The following KDM6B variants were observed in gnomAD, a reference collection of about 807,000 sequenced individuals.
KDM6B encodes the protein lysine demethylase 6B, also known as lysine-specific demethylase 6B.
KDM6B carries 22 observed loss-of-function variants against 150.4 expected under a neutral mutation model. That is an observed-to-expected ratio of 0.15 (90% CI 0.10 to 0.21). KDM6B has a LOEUF of 0.21. Ranked by LOEUF, KDM6B falls within the 10% of genes least tolerant of loss-of-function variation. KDM6B has a pLI of 1.00. For missense variants in KDM6B, 1,984 were observed against 2,234.3 expected (o/e 0.89, Z 2.26); for synonymous variants, 1,148 against 921.1 (o/e 1.25, Z -4.46).
In KDM6B at chr17:7,849,400, C is replaced by G. The variant is rs752642016; in HGVS notation, c.3112C>G (p.Leu1038Val). 1 of 1,611,496 alleles carries G rather than the reference C, an allele frequency of 6.2e-7. No homozygotes were observed. Among genetic ancestry groups the G allele is most frequent in the South Asian group, 1.1e-5 (1 of 90,840 alleles). Reference sequence around the variant, plus strand: ...GGGTCGTGAGAAGTCCCGGCCCGATCTTGGCGGGGCCTCCAAGGCCAAGCC... The same window carrying G: ...GGGTCGTGAGAAGTCCCGGCCCGATGTTGGCGGGGCCTCCAAGGCCAAGCC... ...IQGREKSRPD[L>V]GGASKAKPPT... Residue 1038 changes from leucine (L) to valine (V), a missense_variant, in exon 12 of 24, where the codon CTT (leucine) becomes GTT (valine). This residue lies in a region of KDM6B where 1,379 missense variants were observed against 1,275.6 expected (regional missense o/e 1.08). Transcript: ENST00000448097.
At position 7,853,102 on chromosome 17, in the gene KDM6B, A is replaced by C. The variant is rs745474677; in HGVS notation, c.4713A>C (p.Pro1571=). 7 of 1,614,050 alleles carry C rather than the reference A, an allele frequency of 4.3e-6. No homozygotes were observed. Among genetic ancestry groups the C allele is most frequent in the Non-Finnish European group, 4.2e-6 (5 of 1,180,022 alleles). The change falls in exon 22 of 24, where the codon CCA becomes CCC. Residue 1571 remains proline, a synonymous_variant. Transcript: ENST00000448097. Reference sequence around the variant, plus strand: ...ACCAGGGCCGTGTCAAGGACGAGCCAGCCTACTACTGCAACGAGTGCGATG... The same window carrying C: ...ACCAGGGCCGTGTCAAGGACGAGCCCGCCTACTACTGCAACGAGTGCGATG... ...IAYQGRVKDE[P]AYYCNECDVE...
chr17:7,846,159 G>T lies in KDM6B; in HGVS notation c.318G>T (p.Gln106His). 6.2e-7 allele frequency: 1 copy of T among 1,611,692 alleles called. No individual in the cohort carries two copies. The highest frequency in any genetic ancestry group is 8.5e-7 in the Non-Finnish European group (1 of 1,178,742). The change falls in exon 7 of 24, where the codon CAG becomes CAT. Residue 106 changes from glutamine to histidine, a missense_variant. By Grantham distance (24) the Gln-to-His change is conservative. Transcript: ENST00000448097. ...CVQALLREPA[Q>H]PGLWEQLGQL... ...AGGCATTGCTCCGGGAGCCAGCCCA[G>T]CCAGGGCTTTGGGAACAGCTTGGGC...
Position 7,849,854 on chromosome 17 carries a change from C to T in KDM6B, c.3474C>T (p.Ser1158=), listed in dbSNP as rs149649053. ...AGGTGAAAGGGAAGTTTCGAGAGTC[C>T]TACCTTTCCCCTGCCCAGTCTGTGA... ...NAKVKGKFRE[S]YLSPAQSVKP... The change falls in exon 13 of 24, where the codon TCC becomes TCT. Residue 1158 remains serine (S), a synonymous_variant. Coordinates refer to ENST00000448097, the MANE Select transcript of KDM6B (RefSeq NM_001348716.2). The T allele has an allele frequency of 5.6e-6, 9 of 1,613,168 alleles. No individual in the cohort carries two copies. In the African/African-American group the frequency reaches 8.0e-5, roughly 14 times the overall value.
intron 14 of KDM6B, 107 bp downstream of exon 14, chr17:7,850,284 A>G (rs1389000422): frequency 2.4e-6 from 2 of 841,052 alleles, no homozygotes; most frequent in Non-Finnish European, 1.9e-6. Context: ...GGCCGTGAGG[A>G]GTCCACTGAG....
rs2078561471 is a variant in KDM6B, at chr17:7,846,997, C to T, written c.890C>T (p.Ser297Leu). 7 of 1,613,392 alleles carry T rather than the reference C, an allele frequency of 4.3e-6. No individual in the cohort carries two copies. Among genetic ancestry groups the T allele is most frequent in the African/African-American group, 1.3e-5 (1 of 74,900 alleles). Residue 297 changes from serine (S) to leucine (L), a missense_variant, in exon 10 of 24, where the codon TCA becomes TTA. Around this residue, in one of 13 missense-constraint regions of KDM6B, gnomAD observed 1,379 missense variants for 1,275.6 expected, o/e 1.08. Coordinates refer to ENST00000448097, the MANE Select transcript of KDM6B (RefSeq NM_001348716.2). ...GCCTGGGGCCCAGAGCGCAAGGGTT[C>T]AGCACCCCCAGAGCGCCAGGTGAGC... ...GDAWGPERKG[S>L]APPERQEQRH...
intron 2 of KDM6B, among the ~76,000 whole-genome samples, chr17:7,841,292 G>A (rs2078409891): frequency 6.6e-6 from 1 of 152,236 alleles, no homozygotes; most frequent in South Asian, 2.1e-4. Flanking sequence ...GGATGGGACA[G>A]AACTTGATTG....
rs755048002 is a variant in KDM6B, at chr17:7,847,947, TAGCAAC to T, written c.1668_1673del (p.Asn557_Ser558del). 8.9e-5 allele frequency: 142 copies of T among 1,600,474 alleles called. No individual in the cohort carries two copies. The highest frequency in any genetic ancestry group is 8.3e-4 in the Middle Eastern group (5 of 6,030). The stretch of plus-strand genomic sequence containing the variant: ...CTCCCCCAACCCCAACCACCAGCAG[TAGCAAC>T]AGCAACAGTGGCAGCCACAGCAGCA... On this transcript the variant is annotated inframe_deletion, in exon 12 of 24. Transcript: ENST00000448097.
rs1388620859 is a variant in KDM6B at position 7,848,944 on chromosome 17, G to C, written c.2656G>C (p.Glu886Gln). Residue 886 changes from glutamate to glutamine, a missense_variant, in exon 12 of 24, where the codon GAA becomes CAA. Around this residue, in one of 13 missense-constraint regions of KDM6B, gnomAD observed 1,379 missense variants for 1,275.6 expected, o/e 1.08. Coordinates refer to ENST00000448097, the MANE Select transcript of KDM6B (RefSeq NM_001348716.2). Reference protein sequence around the residue: ...GPWARERRAGEEPVPGPMTPT... With the variant: ...GPWARERRAGQEPVPGPMTPT... Reference sequence around the variant, plus strand: ...CTGGGCCCGGGAGCGCAGGGCGGGCGAAGAGCCAGTCCCGGGCCCCATGAC... The same window carrying C: ...CTGGGCCCGGGAGCGCAGGGCGGGCCAAGAGCCAGTCCCGGGCCCCATGAC... 2 of 1,594,508 alleles carry C rather than the reference G, an allele frequency of 1.3e-6. No homozygotes were observed. The highest frequency in any genetic ancestry group is 1.1e-5 in the South Asian group (1 of 89,556).
rs1367235754 is a variant in KDM6B at position 7,839,954 on chromosome 17, C to T, written c.-339C>T. 1 of 152,644 alleles carries T rather than the reference C, an allele frequency of 6.6e-6. No homozygotes were observed. Among genetic ancestry groups the T allele is most frequent in the African/African-American group, 2.4e-5 (1 of 41,426 alleles). The allele number at this position is 152,644 out of a possible 1,614,324, so 9.5% of individuals were successfully genotyped here. A position where few individuals can be genotyped will look rare whatever the true frequency, so the allele number is the denominator to read the frequency against. On this transcript the variant is annotated 5_prime_UTR_variant, in exon 2 of 24. Coordinates refer to ENST00000448097, the MANE Select transcript of KDM6B (RefSeq NM_001348716.2). ...GCCCCGTAGCACTGCCCACCCCACC[C>T]ACTGTGGTCTGTTGTACCCCACTGC...
Position 7,847,554 on chromosome 17 carries a change from T to G in KDM6B, c.1266T>G (p.Ala422=). The change falls in exon 12 of 24, where the codon GCT becomes GCG. Residue 422 remains alanine (A), a synonymous_variant. Coordinates refer to ENST00000448097, the MANE Select transcript of KDM6B (RefSeq NM_001348716.2). ...GVEPNPGIPG[A]DHYQTPALEV... is the part of the protein sequence containing the mutation. ...TGCTTCTACACTTGCAGCCCGGCGC[T>G]GACCATTACCAAACTCCCGCGCTGG... is the stretch of plus-strand genomic sequence containing the variant. 6.2e-7 allele frequency: 1 copy of G among 1,613,288 alleles called. No individual in the cohort carries two copies. The highest frequency in any genetic ancestry group is 8.5e-7 in the Non-Finnish European group (1 of 1,179,920).
chr17:7,845,875 C>G lies in KDM6B; in HGVS notation c.141C>G (p.Cys47Trp). 2 of 1,613,522 alleles carry G rather than the reference C, an allele frequency of 1.2e-6. No individual in the cohort carries two copies. The highest frequency in any genetic ancestry group is 1.3e-5 in the African/African-American group (1 of 75,044). ...PRSAWLPGGR[C>W]SASIGQPPLP... ...AACAGACTCCTTCTCTCTCCAGATG[C>G]TCAGCCAGCATTGGGCAGCCCCCGC... Residue 47 changes from cysteine to tryptophan, a missense_variant, in exon 6 of 24, where the codon TGC (cysteine) becomes TGG (tryptophan). Cys to Trp is a radical substitution (Grantham distance 215, BLOSUM62 -2). Transcript: ENST00000448097.
In KDM6B at chr17:7,849,247, A is replaced by C; in HGVS notation, c.2959A>C (p.Arg987=). 1 of 1,563,916 alleles carries C rather than the reference A, an allele frequency of 6.4e-7. No individual in the cohort carries two copies. Among genetic ancestry groups the C allele is most frequent in the Non-Finnish European group, 8.7e-7 (1 of 1,153,578 alleles). Residue 987 remains arginine (R), a synonymous_variant, in exon 12 of 24, where the codon AGG becomes CGG. Coordinates refer to ENST00000448097, the MANE Select transcript of KDM6B (RefSeq NM_001348716.2). Reference sequence around the variant, plus strand: ...GCATCAGAAGGAGCATCGGCGGCACAGGCGGGCCTGTAAGGACAGTGTGGG... The same window carrying C: ...GCATCAGAAGGAGCATCGGCGGCACCGGCGGGCCTGTAAGGACAGTGTGGG... ...KEHQKEHRRH[R]RACKDSVGRR...
At chr17:7,834,574 A>C (rs1197521321) in intron 1 of KDM6B, among the ~76,000 whole-genome samples, 2 of 147,892 alleles carry the variant, frequency 1.4e-5, no homozygotes, top group African/African-American at 4.9e-5. Context: ...AAATGTCCAG[A>C]GGGGCCTGAA....
Position 7,847,976 on chromosome 17 carries a change from G to A in KDM6B, c.1688G>A (p.Ser563Asn), listed in dbSNP as rs773788942. The change falls in exon 12 of 24, where the codon AGC becomes AAC. Residue 563 changes from serine to asparagine, a missense_variant. This residue lies in a region of KDM6B where 1,379 missense variants were observed against 1,275.6 expected (regional missense o/e 1.08). Transcript: ENST00000448097. ...SSNSNSGSHS[S>N]SPAGPVSFPP... Reference sequence around the variant, plus strand: ...AACAGCAACAGTGGCAGCCACAGCAGCAGCCCTGCTGGGCCTGTGTCCTTT... The same window carrying A: ...AACAGCAACAGTGGCAGCCACAGCAACAGCCCTGCTGGGCCTGTGTCCTTT... 12 of 1,610,778 alleles carry A rather than the reference G, an allele frequency of 7.4e-6. No individual in the cohort carries two copies. Among genetic ancestry groups the A allele is most frequent in the Non-Finnish European group, 1.0e-5 (12 of 1,179,278 alleles).
At position 7,853,399 on chromosome 17, in the gene KDM6B, C is replaced by T. The variant is rs967097522; in HGVS notation, c.4908+19C>T. The T allele has an allele frequency of 6.5e-6, 10 of 1,536,050 alleles. No homozygotes were observed. The highest frequency in any genetic ancestry group is 2.0e-5 in the Admixed American group (1 of 50,934). On this transcript the variant is annotated intron_variant, in intron 23 of 23. Coordinates refer to ENST00000448097, the MANE Select transcript of KDM6B (RefSeq NM_001348716.2). ...CACGCTGGTGAGGGCCCGGCGGGCGCGCGGGCAGCGGAGGAGGGCACTGGG... is the reference window on the plus strand; with the variant it reads ...CACGCTGGTGAGGGCCCGGCGGGCGTGCGGGCAGCGGAGGAGGGCACTGGG...
Position 7,849,012 on chromosome 17 carries a change from C to T in KDM6B, c.2724C>T (p.Arg908=), listed in dbSNP as rs2078631819. The T allele has an allele frequency of 3.1e-6, 5 of 1,599,556 alleles. No homozygotes were observed. Among genetic ancestry groups the T allele is most frequent in the South Asian group, 1.1e-5 (1 of 90,528 alleles). The change falls in exon 12 of 24, where the codon CGC becomes CGT. Residue 908 remains arginine, a synonymous_variant. Coordinates refer to ENST00000448097, the MANE Select transcript of KDM6B (RefSeq NM_001348716.2). ...CACCCCTATCTCTGCCCCCTGCTCG[C>T]TCTGAGTCTGAGGTGCTAGAAGAGA... ...PPPPLSLPPA[R]SESEVLEEIS... is the part of the protein sequence containing the mutation.
At chr17:7,835,527 T>C (rs1384618048) in intron 1 of KDM6B, among the ~76,000 whole-genome samples, 1 of 151,930 alleles carries the variant, frequency 6.6e-6, no homozygotes, top group Non-Finnish European at 1.5e-5. Flanking sequence ...TTGCTTGTCC[T>C]GTTGCCAGAG....
At chr17:7,841,899 C>T (rs958152670) in intron 2 of KDM6B, among the ~76,000 whole-genome samples, 41 of 152,210 alleles carry the variant, frequency 2.7e-4, no homozygotes, top group Non-Finnish European at 4.4e-5. Flanking sequence ...CCTCCGCCTC[C>T]CCCTCCCCCA....
chr17:7,835,660 G>C (rs118115346), intron 1 of KDM6B, among the ~76,000 whole-genome samples: 1 of 152,118 alleles, frequency 6.6e-6, no homozygotes, highest in African/African-American at 2.4e-5. Flanking sequence ...GATAGCGACA[G>C]GAAAGGGAGA....
Sources: gnomAD v4.1 joint callset for allele counts (sites outside exome capture counted in the v4.1 genomes callset) on GRCh38, gnomAD v4.1.1 for gene constraint, gnomAD v4.1.1 regional missense constraint, MANE v1.5 for transcripts, NCBI Gene and HGNC (gene_info 2026-07-23, HGNC 2026-07-21) for gene names.